RBFOX3: variants seen among roughly 807,000 people sequenced by gnomAD.
RBFOX3 encodes RNA binding fox-1 homolog 3.
Under a neutral mutation model 48.7 loss-of-function variants are expected in RBFOX3, and 17 were observed. The ratio of observed to expected loss-of-function variants is 0.35; its 90% confidence interval spans 0.24 to 0.52. The LOEUF (loss-of-function observed/expected upper bound fraction) is 0.52, where lower values mean the gene tolerates loss of function less well. Ranked by LOEUF, RBFOX3 falls within the 20% of genes least tolerant of loss-of-function variation. The pLI is 0.94. For synonymous variants in RBFOX3, 212 were observed against 209.5 expected (o/e 1.01, Z -0.10); for missense variants, 382 against 497.5 (o/e 0.77, Z 2.21).
chr17:79,112,001 G>A (rs931819382), intron 5 of RBFOX3, among the ~76,000 whole-genome samples: 19 of 152,244 alleles, frequency 1.2e-4, no homozygotes, highest in African/African-American at 4.6e-4. Flanking sequence ...ATGTGCAGGT[G>A]TGCGTGCCCC....
At position 79,212,545 on chromosome 17, in the gene RBFOX3, T is replaced by G. The variant is rs2058517993; in HGVS notation, c.-34+23221A>C. Among the ~76,000 whole-genome samples the G allele has an allele frequency of 6.6e-6, 1 of 152,212 alleles. No homozygotes were observed. The highest frequency in any genetic ancestry group is 1.9e-4 in the East Asian group (1 of 5,188). ...TCCTTATTCTGCACTTCCTTCCTTGTTCTTCATAAAGAGTAGATTTCAGAG... is the reference window on the plus strand; with the variant it reads ...TCCTTATTCTGCACTTCCTTCCTTGGTCTTCATAAAGAGTAGATTTCAGAG... On this transcript the variant is annotated intron_variant, in intron 4 of 14. Coordinates refer to ENST00000693108, the MANE Select transcript of RBFOX3 (RefSeq NM_001350451.2). The surrounding 1 kb of genome is among the most constrained non-coding windows in gnomAD (Gnocchi z 4.7).
At chr17:79,119,389 AC>A (rs1040895032) in intron 4 of RBFOX3, among the ~76,000 whole-genome samples, 1 of 152,132 alleles carries the variant, frequency 6.6e-6, no homozygotes, top group African/African-American at 2.4e-5. Flanking sequence ...AGCTAATAAA[AC>A]CGAGGTGTAG....
chr17:79,145,088 G>A (rs2042749057), intron 4 of RBFOX3, among the ~76,000 whole-genome samples: 1 of 152,130 alleles, frequency 6.6e-6, no homozygotes, highest in African/African-American at 2.4e-5. Context: ...GTCCTTAGTC[G>A]CTGCCTGTCC....
At chr17:79,175,703 A>G (rs2050378072) in intron 4 of RBFOX3, among the ~76,000 whole-genome samples, 1 of 152,210 alleles carries the variant, frequency 6.6e-6, no homozygotes, top group Non-Finnish European at 1.5e-5. Flanking sequence ...GAAGCTGGGC[A>G]CGCCCGAGTT....
intron 1 of RBFOX3, among the ~76,000 whole-genome samples, chr17:79,533,192 A>C (rs2088110414): frequency 6.6e-6 from 1 of 152,194 alleles, no homozygotes; most frequent in African/African-American, 2.4e-5. Context: ...CGGCCATTTC[A>C]TGTCTACTTC....
At chr17:79,425,682 G>C (rs1438207165) in intron 2 of RBFOX3, among the ~76,000 whole-genome samples, 2 of 152,202 alleles carry the variant, frequency 1.3e-5, no homozygotes, top group East Asian at 1.9e-4. Flanking sequence ...AGCAAGGAAG[G>C]GGGAGAAGAC....
chr17:79,583,134 G>A (rs1240171216), intron 1 of RBFOX3, among the ~76,000 whole-genome samples: 1 of 152,224 alleles, frequency 6.6e-6, no homozygotes, highest in Non-Finnish European at 1.5e-5. Flanking sequence ...GGCGCTGCAG[G>A]GGAGGGAGTG....
At chr17:79,546,640 G>T (rs1027057478) in intron 1 of RBFOX3, among the ~76,000 whole-genome samples, 2 of 150,490 alleles carry the variant, frequency 1.3e-5, no homozygotes, top group African/African-American at 2.5e-5. Context: ...CCCATCCGCC[G>T]GCATTCCCAG....
chr17:79,120,279 A>C (rs8075836), intron 4 of RBFOX3, among the ~76,000 whole-genome samples: 1 of 152,128 alleles, frequency 6.6e-6, no homozygotes, highest in Non-Finnish European at 1.5e-5. Context: ...TCAGCGTACA[A>C]GAACGGGTGG....
At chr17:79,494,576 G>A (rs1166382045) in intron 1 of RBFOX3, among the ~76,000 whole-genome samples, 3 of 152,262 alleles carry the variant, frequency 2.0e-5, no homozygotes, top group Non-Finnish European at 4.4e-5. Flanking sequence ...ACACAGGGAG[G>A]GTTGGAGTGG....
intron 4 of RBFOX3, among the ~76,000 whole-genome samples, chr17:79,130,378 G>A (rs1912071444): frequency 6.6e-6 from 1 of 152,158 alleles, no homozygotes; most frequent in East Asian, 1.9e-4. Flanking sequence ...GCAGGGCTCC[G>A]AGGCCCACAG....
At chr17:79,165,644 G>T (rs1844673667) in intron 4 of RBFOX3, among the ~76,000 whole-genome samples, 1 of 152,246 alleles carries the variant, frequency 6.6e-6, no homozygotes, top group Non-Finnish European at 1.5e-5. Context: ...GGCTTCGCCG[G>T]CCGGGGTCCC....
intron 4 of RBFOX3, among the ~76,000 whole-genome samples, chr17:79,136,762 C>T (rs62062263): frequency 0.03 from 4,513 of 152,294 alleles, 107 homozygotes; most frequent in African/African-American, 0.056. Context: ...CCAGGGCAGG[C>T]GGCAGTGCCA....
chr17:79,165,530 G>A (rs988197287), intron 4 of RBFOX3, among the ~76,000 whole-genome samples: 2 of 152,148 alleles, frequency 1.3e-5, no homozygotes, highest in African/African-American at 4.8e-5. Context: ...TGCACATCCC[G>A]ATTCCTCCAT....
chr17:79,218,319 A>G (rs555791923), intron 4 of RBFOX3, among the ~76,000 whole-genome samples: 2 of 151,788 alleles, frequency 1.3e-5, no homozygotes, highest in South Asian at 4.2e-4. Context: ...GAGGAGGAGG[A>G]TCCTCCTATG....
chr17:79,238,859 A>G (rs1274557787), intron 3 of RBFOX3, among the ~76,000 whole-genome samples: 1 of 152,098 alleles, frequency 6.6e-6, no homozygotes, highest in East Asian at 1.9e-4. Context: ...CATTTTTGAA[A>G]GCTCCAGAAC....
chr17:79,476,297 A>G (rs963584083), intron 2 of RBFOX3, among the ~76,000 whole-genome samples: 3 of 152,082 alleles, frequency 2.0e-5, no homozygotes, highest in African/African-American at 7.2e-5. Flanking sequence ...GCCCTCTGCG[A>G]CCCGCCCAGT....
chr17:79,534,492 T>C (rs537032285), intron 1 of RBFOX3, among the ~76,000 whole-genome samples: 1 of 152,190 alleles, frequency 6.6e-6, no homozygotes, highest in African/African-American at 2.4e-5. Flanking sequence ...TCGTCACATA[T>C]GAAATGGGAG....
chr17:79,209,500 G>T (rs1212988136), intron 4 of RBFOX3, among the ~76,000 whole-genome samples: 2 of 152,182 alleles, frequency 1.3e-5, no homozygotes, highest in Non-Finnish European at 2.9e-5. Flanking sequence ...CGCAGGTGTG[G>T]CCTCTCATTC....
Sources: gnomAD v4.1 joint callset for allele counts (sites outside exome capture counted in the v4.1 genomes callset) on GRCh38, gnomAD v4.1.1 for gene constraint, Gnocchi (gnomAD v3.1) non-coding constraint, MANE v1.5 for transcripts, NCBI Gene and HGNC (gene_info 2026-07-23, HGNC 2026-07-21) for gene names.